The following CDHR3 variants were observed in gnomAD, a reference collection of about 807,000 sequenced individuals.
CDHR3 encodes cadherin-related family member 3.
CDHR3 carries 79 observed loss-of-function variants against 86.6 expected under a neutral mutation model. The observed-to-expected ratio is 0.91, with a 90% CI of 0.76 to 1.10. The LOEUF (loss-of-function observed/expected upper bound fraction) is 1.10. Ranked by LOEUF, CDHR3 falls within the 50% of genes least tolerant of loss-of-function variation. The probability of loss-of-function intolerance (pLI) is 0.00; values close to 1 mark genes in which losing one functional copy is unlikely to be tolerated. For missense variants in CDHR3, 1,081 were observed against 1,077.6 expected (o/e 1.00, Z -0.04); for synonymous variants, 421 against 402.4 (o/e 1.05, Z -0.55).
intron 15 of CDHR3, 25 bp from the exon 16 acceptor site, chr7:106,026,657 A>G (rs376534595): frequency 4.3e-6 from 7 of 1,613,294 alleles, no homozygotes; most frequent in Non-Finnish European, 5.9e-6. Context: ...AAGTGAATTA[A>G]TAGCCATTCT....
chr7:106,022,635 G>T (rs1348247997), intron 14 of CDHR3, among the ~76,000 whole-genome samples, 187 bp downstream of exon 14: 1 of 152,192 alleles, frequency 6.6e-6, no homozygotes, highest in African/African-American at 2.4e-5. Flanking sequence ...TGAGACCTCA[G>T]ACTCATAACC....
At position 106,029,543 on chromosome 7, in the gene CDHR3, C is replaced by CCTCT. The variant is rs200247045; in HGVS notation, c.2304+962_2304+965dup. ...TAGCTGGAAAGTTCCCTCTCCTCCACCTCTGTCTCTCTCTCTCTCTCTCTC... is the reference window on the plus strand; with the variant it reads ...TAGCTGGAAAGTTCCCTCTCCTCCACCTCTCTCTGTCTCTCTCTCTCTCTCTCTC... On this transcript the variant is annotated intron_variant, in intron 17 of 18. Coordinates refer to ENST00000317716, the MANE Select transcript of CDHR3 (RefSeq NM_152750.5). Among the ~76,000 whole-genome samples, 165 of 96,608 alleles carry CCTCT rather than the reference C, an allele frequency of 1.7e-3. 1 individual carries two copies. The highest frequency in any genetic ancestry group is 6.1e-3 in the Middle Eastern group (1 of 164). 63.4% of individuals were successfully genotyped at this position (96,608 alleles called of 152,430 possible).
chr7:105,999,666 C>G (rs1009502355), intron 6 of CDHR3, among the ~76,000 whole-genome samples: 1 of 152,220 alleles, frequency 6.6e-6, no homozygotes, highest in Non-Finnish European at 1.5e-5. Context: ...TGTCCTCTCT[C>G]TGTCCCGTGG....
intron 3 of CDHR3, among the ~76,000 whole-genome samples, chr7:105,982,234 C>T (rs572710638): frequency 2.0e-5 from 3 of 151,838 alleles, no homozygotes; most frequent in South Asian, 2.1e-4. Flanking sequence ...TTTGGGAGGC[C>T]GAGGCAGGTG....
In CDHR3 at chr7:106,026,745, T is replaced by C. The variant is rs201226230; in HGVS notation, c.2272+50T>C. 4.9e-5 allele frequency: 79 copies of C among 1,602,710 alleles called. No individual in the cohort carries two copies. The African/African-American group carries it at 9.8e-4, about 20-fold the overall frequency. On this transcript the variant is annotated intron_variant, in intron 16 of 18. Coordinates refer to ENST00000317716, the MANE Select transcript of CDHR3 (RefSeq NM_152750.5). ...GTCTGTTGTTTTTTGCTTGCTCTGT[T>C]GTGCTACGTAAAAAGGTTCCTACTC...
intron 1 of CDHR3, among the ~76,000 whole-genome samples, chr7:105,973,892 A>C (rs1335147431): frequency 6.6e-6 from 1 of 152,124 alleles, no homozygotes; most frequent in Non-Finnish European, 1.5e-5. Flanking sequence ...GCTTGAACCC[A>C]GGAGGCAGAG....
At chr7:105,987,511 C>A (rs1830697442) in intron 4 of CDHR3, among the ~76,000 whole-genome samples, 1 of 152,156 alleles carries the variant, frequency 6.6e-6, no homozygotes, top group African/African-American at 2.4e-5. Flanking sequence ...TAAGTAGAAG[C>A]AAATGACATC....
At chr7:105,968,565 C>G (rs1181081623) in intron 1 of CDHR3, among the ~76,000 whole-genome samples, 1 of 151,900 alleles carries the variant, frequency 6.6e-6, no homozygotes, top group Non-Finnish European at 1.5e-5. Flanking sequence ...TTCACCATGT[C>G]GGCCAGGCTA....
chr7:105,996,622 C>T (rs1329226099), intron 6 of CDHR3, among the ~76,000 whole-genome samples: 1 of 152,022 alleles, frequency 6.6e-6, no homozygotes, highest in African/African-American at 2.4e-5. Context: ...ACACATGCCC[C>T]GGGGTGTGGC....
intron 6 of CDHR3, among the ~76,000 whole-genome samples, chr7:105,999,583 G>C (rs898858559): frequency 6.6e-6 from 1 of 152,102 alleles, no homozygotes; most frequent in Non-Finnish European, 1.5e-5. Flanking sequence ...CACCACCCCC[G>C]GCCCCCCAGC....
At chr7:105,971,743 T>G (rs537117743) in intron 1 of CDHR3, among the ~76,000 whole-genome samples, 1 of 152,198 alleles carries the variant, frequency 6.6e-6, no homozygotes, top group African/African-American at 2.4e-5. Context: ...GGCACAGTGA[T>G]CTCTCCACTC....
rs201666885 is a variant in CDHR3, at chr7:106,033,947, C to T, written c.*1250C>T. 3.3e-4 allele frequency among the ~76,000 whole-genome samples: 50 copies of T among 152,314 alleles called. No homozygotes were observed. Among genetic ancestry groups the T allele is most frequent in the South Asian group, 1.7e-3 (8 of 4,818 alleles). Reference sequence around the variant, plus strand: ...GAGTTGCAATTGCTCTCTATCCTTGCCAACACTTGGGATTGTCAATCCTTT... The same window carrying T: ...GAGTTGCAATTGCTCTCTATCCTTGTCAACACTTGGGATTGTCAATCCTTT... On this transcript the variant is annotated 3_prime_UTR_variant, in exon 19 of 19. Coordinates refer to ENST00000317716, the MANE Select transcript of CDHR3 (RefSeq NM_152750.5).
chr7:106,003,690 C>A (rs985032348), intron 7 of CDHR3, among the ~76,000 whole-genome samples: 1 of 152,104 alleles, frequency 6.6e-6, no homozygotes, highest in Admixed American at 6.5e-5. Context: ...CCAAAAAGGA[C>A]GTCCAGCCTT....
Position 106,015,265 on chromosome 7 carries a change from C to G in CDHR3, c.1327+52C>G, listed in dbSNP as rs975532000. 9 of 1,460,524 alleles carry G rather than the reference C, an allele frequency of 6.2e-6. No individual in the cohort carries two copies. In the Admixed American group the frequency reaches 1.6e-4, roughly 25 times the overall value. 90.5% of individuals were successfully genotyped at this position (1,460,524 alleles called of 1,614,324 possible). A position where few individuals can be genotyped will look rare whatever the true frequency, so the allele number is the denominator to read the frequency against. ...GATTGTCTTTCTTGAGTATCAATGA[C>G]CAAACTCTGCTGGGCAATACTAGGT... On this transcript the variant is annotated intron_variant, in intron 10 of 18. Coordinates refer to ENST00000317716, the MANE Select transcript of CDHR3 (RefSeq NM_152750.5).
At position 106,015,997 on chromosome 7, in the gene CDHR3, T is replaced by C. The variant is rs781154304; in HGVS notation, c.1398T>C (p.Tyr466=). The change falls in exon 11 of 19, where the codon TAT becomes TAC. Residue 466 remains tyrosine, a synonymous_variant. Transcript: ENST00000317716. ...EFPLIFDRPS[Y]VFDVSERRPA... is the part of the protein sequence containing the mutation. ...CTCTCATTTTTGATAGGCCATCCTA[T>C]GTATTTGATGTGTCAGAAAGAAGGC... 2.5e-6 allele frequency: 4 copies of C among 1,612,034 alleles called. No homozygotes were observed. The highest frequency in any genetic ancestry group is 3.4e-6 in the Non-Finnish European group (4 of 1,178,970).
At chr7:105,983,609 C>T (rs572755760) in intron 3 of CDHR3, among the ~76,000 whole-genome samples, 6 of 152,170 alleles carry the variant, frequency 3.9e-5, no homozygotes, top group East Asian at 1.9e-4. Context: ...GTGCTGGTAC[C>T]GCCTGCTCCT....
intron 1 of CDHR3, among the ~76,000 whole-genome samples, chr7:105,969,287 T>G (rs1585477868): frequency 1.4e-5 from 2 of 144,208 alleles, no homozygotes; most frequent in East Asian, 2.1e-4. Flanking sequence ...TAGTCCCAGC[T>G]ACTCGGGAGG....
In CDHR3 at chr7:105,996,274, G is replaced by A; in HGVS notation, c.633G>A (p.Arg211=). The change falls in exon 6 of 19, where the codon AGG becomes AGA. Residue 211 remains arginine, a synonymous_variant. Transcript: ENST00000317716. The part of the protein sequence containing the change: ...HRSFHLIVEV[R]DSGGLKASTE... The stretch of plus-strand genomic sequence containing the variant: ...GTTTCCATCTCATCGTGGAGGTGAG[G>A]GACAGTGGAGGCCTCAAAGCCTCCA... 1 of 1,595,528 alleles carries A rather than the reference G, an allele frequency of 6.3e-7. No homozygotes were observed. The highest frequency in any genetic ancestry group is 8.6e-7 in the Non-Finnish European group (1 of 1,164,668).
At chr7:105,963,667 T>A (rs939488797) in intron 1 of CDHR3, among the ~76,000 whole-genome samples, 1 of 152,186 alleles carries the variant, frequency 6.6e-6, no homozygotes, top group African/African-American at 2.4e-5. Context: ...GGGAAAATAG[T>A]GTTCATAGCA....
Sources: gnomAD v4.1 joint callset for allele counts (sites outside exome capture counted in the v4.1 genomes callset) on GRCh38, gnomAD v4.1.1 for gene constraint, MANE v1.5 for transcripts, NCBI Gene and HGNC (gene_info 2026-07-23, HGNC 2026-07-21) for gene names.